The following ATP10B variants were observed in gnomAD, a reference collection of about 807,000 sequenced individuals.
The protein encoded by ATP10B is ATPase phospholipid transporting 10B (putative), also known as phospholipid-transporting ATPase VB.
A neutral mutation model predicts 141.2 loss-of-function variants in ATP10B; 122 were observed. That is an observed-to-expected ratio of 0.86 (90% CI 0.75 to 1.00). The LOEUF is 1.00. ATP10B is among the 50% of genes least tolerant of loss of function. The pLI is 0.00. For missense variants in ATP10B, 1,876 were observed against 1,825.3 expected, an observed-to-expected ratio of 1.03 and a Z score of -0.51; for synonymous variants, 685 against 692.0, an observed-to-expected ratio of 0.99 and a Z score of 0.16.
chr5:160,799,963 G>T (rs573929487), intron 1 of ATP10B, among the ~76,000 whole-genome samples: 1 of 152,270 alleles, frequency 6.6e-6, no homozygotes, highest in East Asian at 1.9e-4. Flanking sequence ...AGCACTCAGT[G>T]CCAGTTACTG....
the ATP10B span, among the ~76,000 whole-genome samples, chr5:160,927,003 T>C: frequency 6.6e-6 from 1 of 152,366 alleles, no homozygotes; most frequent in South Asian, 2.1e-4. Context: ...TCACATTACC[T>C]GTGCATCTCA....
the ATP10B span, among the ~76,000 whole-genome samples, chr5:160,912,737 A>C: frequency 1.3e-5 from 2 of 151,372 alleles, no homozygotes; most frequent in Non-Finnish European, 2.9e-5. Context: ...AGAGAGAGAA[A>C]GAAAGAAAGA....
intron 2 of ATP10B, among the ~76,000 whole-genome samples, chr5:160,764,108 A>G (rs541914448): frequency 3.3e-5 from 5 of 152,316 alleles, no homozygotes; most frequent in African/African-American, 1.2e-4. Flanking sequence ...ACAAATTCAC[A>G]GCTGAATTCT....
At chr5:160,899,947 G>A in the ATP10B span, among the ~76,000 whole-genome samples, 1 of 152,134 alleles carries the variant, frequency 6.6e-6, no homozygotes, top group Non-Finnish European at 1.5e-5. Context: ...GTGGAGCAGA[G>A]GCAAGGAATC....
At chr5:160,575,289 A>G (rs1048863491) in intron 24 of ATP10B, among the ~76,000 whole-genome samples, 1 of 152,174 alleles carries the variant, frequency 6.6e-6, no homozygotes, top group African/African-American at 2.4e-5. Flanking sequence ...TCAGCACAGA[A>G]TCCAGTTTAG....
intron 2 of ATP10B, among the ~76,000 whole-genome samples, chr5:160,760,595 A>T (rs1768959188): frequency 6.6e-6 from 1 of 152,210 alleles, no homozygotes; most frequent in Admixed American, 6.5e-5. Context: ...CCAATCAACT[A>T]CTTTCACCCT....
intron 1 of ATP10B, among the ~76,000 whole-genome samples, chr5:160,815,282 A>T (rs538831395): frequency 6.6e-6 from 1 of 152,214 alleles, no homozygotes; most frequent in Admixed American, 6.5e-5. Context: ...AAATAAAGGG[A>T]TGGAGAAAGA....
chr5:160,640,332 G>T, intron 10 of ATP10B, 129 bp downstream of exon 10: 3 of 961,234 alleles, frequency 3.1e-6, no homozygotes, highest in South Asian at 2.0e-5. Context: ...TCATTTCATT[G>T]GCATCCCGTT....
chr5:160,905,715 C>T, the ATP10B span, among the ~76,000 whole-genome samples: 18 of 129,360 alleles, frequency 1.4e-4, no homozygotes, highest in Admixed American at 1.0e-3. Context: ...GCTAGGATTG[C>T]TATTATAATG....
intron 2 of ATP10B, among the ~76,000 whole-genome samples, chr5:160,762,797 A>G (rs12658495): frequency 0.31 from 47,810 of 152,030 alleles, 7,867 homozygotes; most frequent in Non-Finnish European, 0.36. Flanking sequence ...AATTCACCAA[A>G]TATCTGCTGT....
chr5:160,634,750 C>T, intron 11 of ATP10B, 144 bp from the exon 12 acceptor site: 1 of 839,136 alleles, frequency 1.2e-6, no homozygotes, highest in East Asian at 2.7e-5. Flanking sequence ...GGTCAATGAC[C>T]TCATGCATCC....
At chr5:160,667,321 G>T (rs943610132) in intron 7 of ATP10B, among the ~76,000 whole-genome samples, 3 of 152,182 alleles carry the variant, frequency 2.0e-5, no homozygotes, top group African/African-American at 7.2e-5. Context: ...GTGACCTTGG[G>T]CAAGTTACAG....
intron 1 of ATP10B, among the ~76,000 whole-genome samples, chr5:160,819,062 T>C (rs1469363412): frequency 6.6e-6 from 1 of 152,102 alleles, no homozygotes; most frequent in African/African-American, 2.4e-5. Flanking sequence ...GACGAGTTAA[T>C]GGGTGCAGCA....
At chr5:160,775,940 G>A (rs1415957913) in intron 2 of ATP10B, among the ~76,000 whole-genome samples, 3 of 152,082 alleles carry the variant, frequency 2.0e-5, no homozygotes, top group Non-Finnish European at 2.9e-5. Flanking sequence ...CTCTGCCTAA[G>A]CTTCAGATTT....
chr5:160,774,139 G>A (rs1463547407), intron 2 of ATP10B, among the ~76,000 whole-genome samples: 3 of 151,926 alleles, frequency 2.0e-5, no homozygotes, highest in South Asian at 2.1e-4. Context: ...CATTAGAAGC[G>A]TTTCCAGTGT....
the ATP10B span, among the ~76,000 whole-genome samples, chr5:160,900,335 G>A: frequency 2.0e-5 from 3 of 152,086 alleles, no homozygotes; most frequent in Admixed American, 6.6e-5. Context: ...GTGGGGCCAA[G>A]CGCTTTAATT....
chr5:160,869,163 T>C, the ATP10B span, among the ~76,000 whole-genome samples: 1 of 152,176 alleles, frequency 6.6e-6, no homozygotes, highest in East Asian at 1.9e-4. Flanking sequence ...ATATCTGACA[T>C]ATGTGTGTAC....
chr5:160,780,456 C>T (rs2127879743), intron 2 of ATP10B, among the ~76,000 whole-genome samples: 2 of 152,262 alleles, frequency 1.3e-5, no homozygotes, highest in South Asian at 4.1e-4. Flanking sequence ...ATACAAAACT[C>T]TAAGGTAGTA....
At chr5:160,578,364 G>T (rs188950444) in intron 24 of ATP10B, among the ~76,000 whole-genome samples, 14 of 152,120 alleles carry the variant, frequency 9.2e-5, no homozygotes, top group Non-Finnish European at 1.6e-4. Flanking sequence ...ACAGGCCCAA[G>T]TGTGTGATGT....
Sources: allele counts gnomAD v4.1 joint callset (sites outside exome capture counted in the v4.1 genomes callset), GRCh38; gene constraint gnomAD v4.1.1; transcripts MANE v1.5; gene names NCBI Gene and HGNC (gene_info 2026-07-23, HGNC 2026-07-21).